The following RAD54L2 variants were observed in gnomAD, a reference collection of about 807,000 sequenced individuals.
RAD54L2 encodes helicase ARIP4.
In RAD54L2, 27 loss-of-function variants were observed where a neutral mutation model predicts 138.4. That is an observed-to-expected ratio of 0.20 (90% CI 0.14 to 0.27). RAD54L2 has a LOEUF of 0.27. Ranked by LOEUF, RAD54L2 falls within the 10% of genes least tolerant of loss-of-function variation. The pLI, the probability that RAD54L2 is intolerant of heterozygous loss-of-function variation, is 1.00. For synonymous variants in RAD54L2, 644 were observed against 723.2 expected, an observed-to-expected ratio of 0.89 and a Z score of 1.76; for missense variants, 1,396 against 1,890.2, an observed-to-expected ratio of 0.74 and a Z score of 4.85.
chr3:51,619,776 A>G (rs978353855), intron 3 of RAD54L2, among the ~76,000 whole-genome samples: 3 of 152,184 alleles, frequency 2.0e-5, no homozygotes, highest in African/African-American at 4.8e-5. Context: ...CAATTTAGGA[A>G]GGTCCTGGCT....
At chr3:51,639,713 G>A (rs1316008224) in intron 13 of RAD54L2, 43 bp downstream of exon 13, 3 of 1,606,386 alleles carry the variant, frequency 1.9e-6, no homozygotes, top group Non-Finnish European at 2.6e-6. Flanking sequence ...CTATTGCTGA[G>A]AAGGGATGGT....
chr3:51,556,442 A>G (rs976264046), intron 2 of RAD54L2, among the ~76,000 whole-genome samples: 27 of 152,138 alleles, frequency 1.8e-4, no homozygotes, highest in African/African-American at 6.3e-4. Context: ...GAGACAGGGT[A>G]TCCCTGTGTT....
chr3:51,652,678 A>G (rs1276220833), intron 19 of RAD54L2, among the ~76,000 whole-genome samples: 1 of 152,242 alleles, frequency 6.6e-6, no homozygotes, highest in Non-Finnish European at 1.5e-5. Context: ...AGAAATGGGG[A>G]AAGGATTCCC....
rs1360520086 is a variant in RAD54L2 at position 51,667,060 on chromosome 3, A to C, written c.*3640A>C. On this transcript the variant is annotated 3_prime_UTR_variant, in exon 23 of 23. Transcript: ENST00000684192. ...AGGGCCCTCTGTGTGAGTCTATTCA[A>C]ACCTGGCATTGCTCTGAAATTGAGT... 6.6e-6 allele frequency: 1 copy of C among 152,372 alleles called. No homozygotes were observed. Among genetic ancestry groups the C allele is most frequent in the Admixed American group, 6.5e-5 (1 of 15,310 alleles). The allele number at this position is 152,372 out of a possible 1,614,324, so 9.4% of individuals were successfully genotyped here.
In RAD54L2 at chr3:51,635,502, A is replaced by T; in HGVS notation, c.1143-91A>T. On this transcript the variant is annotated intron_variant, in intron 9 of 22. Transcript: ENST00000684192. ...CTGAATGTACATCAACACAGCTTTGATTGTGAGCAATTCTTCCTTGGGAGC... is the reference window on the plus strand; with the variant it reads ...CTGAATGTACATCAACACAGCTTTGTTTGTGAGCAATTCTTCCTTGGGAGC... 3 of 1,352,186 alleles carry T rather than the reference A, an allele frequency of 2.2e-6. No homozygotes were observed. The South Asian group carries it at 4.5e-5, about 20-fold the overall frequency. 83.8% of individuals were successfully genotyped at this position (1,352,186 alleles called of 1,614,324 possible). A position where few individuals can be genotyped will look rare whatever the true frequency, so the allele number is the denominator to read the frequency against.
chr3:51,663,235 A>G lies in RAD54L2; in HGVS notation c.4219A>G (p.Ser1407Gly). 6.2e-7 allele frequency: 1 copy of G among 1,613,918 alleles called. No homozygotes were observed. Among genetic ancestry groups the G allele is most frequent in the South Asian group, 1.1e-5 (1 of 91,080 alleles). ...FAPFPSPVLP[S>G]NLSRGMSIYP... ...GCCTTTTCCTTCCCCTGTCTTGCCC[A>G]GCAACCTTTCGCGGGGCATGTCTAT... Residue 1407 changes from serine to glycine, a missense_variant, in exon 23 of 23, where the codon AGC becomes GGC. Physicochemically the swap from Ser to Gly is moderately conservative, Grantham distance 56. Transcript: ENST00000684192.
At chr3:51,565,200 A>G (rs1050983219) in intron 2 of RAD54L2, among the ~76,000 whole-genome samples, 10 of 152,214 alleles carry the variant, frequency 6.6e-5, no homozygotes, top group Admixed American at 4.6e-4. Context: ...AGCCTGGGCC[A>G]CATAGACCCT....
At chr3:51,586,667 C>T (rs1699717506) in intron 2 of RAD54L2, among the ~76,000 whole-genome samples, 1 of 150,034 alleles carries the variant, frequency 6.7e-6, no homozygotes. Context: ...CTCCTGGGTT[C>T]AGGCGATTCT....
intron 2 of RAD54L2, among the ~76,000 whole-genome samples, chr3:51,546,170 C>T (rs564810116): frequency 2.0e-5 from 3 of 151,366 alleles, no homozygotes; most frequent in African/African-American, 7.3e-5. Flanking sequence ...AACTCTTGAC[C>T]TCAGGTGATC....
chr3:51,570,842 G>A (rs1324842884), intron 2 of RAD54L2, among the ~76,000 whole-genome samples: 2 of 152,148 alleles, frequency 1.3e-5, no homozygotes, highest in African/African-American at 4.8e-5. Flanking sequence ...TTATTTTTGA[G>A]ATGGAGTTTT....
At chr3:51,604,847 G>C (rs2106742622) in intron 3 of RAD54L2, among the ~76,000 whole-genome samples, 1 of 152,252 alleles carries the variant, frequency 6.6e-6, no homozygotes, top group Admixed American at 6.5e-5. Context: ...TAGTTGTTCT[G>C]CCAACCCTCC....
In RAD54L2 at chr3:51,630,931, G is replaced by A. The variant is rs1442832975; in HGVS notation, c.825G>A (p.Gln275=). The change falls in exon 7 of 23, where the codon CAG becomes CAA. Residue 275 remains glutamine, a splice_region_variant and synonymous_variant. Coordinates refer to ENST00000684192, the MANE Select transcript of RAD54L2 (RefSeq NM_015106.4). ...TGGCACGGGCTGTGAAACCTCATCAGGTACAGCAAACCTTGACTGTTTTCT... is the reference window on the plus strand; with the variant it reads ...TGGCACGGGCTGTGAAACCTCATCAAGTACAGCAAACCTTGACTGTTTTCT... ...PQLARAVKPH[Q]IGGIRFLYDN... The A allele has an allele frequency of 6.2e-7, 1 of 1,605,004 alleles. No individual in the cohort carries two copies. The highest frequency in any genetic ancestry group is 8.5e-7 in the Non-Finnish European group (1 of 1,172,610).
At chr3:51,600,399 G>A (rs1398851811) in intron 3 of RAD54L2, among the ~76,000 whole-genome samples, 1 of 152,118 alleles carries the variant, frequency 6.6e-6, no homozygotes, top group Non-Finnish European at 1.5e-5. Context: ...AGAATCCCTT[G>A]AGCCCAGGAG....
intron 2 of RAD54L2, among the ~76,000 whole-genome samples, chr3:51,549,490 G>A (rs1183186688): frequency 2.0e-5 from 3 of 152,162 alleles, no homozygotes; most frequent in Non-Finnish European, 1.5e-5. Flanking sequence ...GGCTGGGCGC[G>A]GTGGCTTATA....
chr3:51,607,621 T>C (rs1559634240), intron 3 of RAD54L2, among the ~76,000 whole-genome samples: 1 of 152,196 alleles, frequency 6.6e-6, no homozygotes, highest in African/African-American at 2.4e-5. Flanking sequence ...AGCTGTTGGG[T>C]ACACCTCCCA....
At chr3:51,576,827 G>C (rs559918377) in intron 2 of RAD54L2, among the ~76,000 whole-genome samples, 1 of 151,592 alleles carries the variant, frequency 6.6e-6, no homozygotes, top group South Asian at 2.1e-4. Context: ...TTTTTTGAAG[G>C]GTTTTTTGTG....
intron 2 of RAD54L2, among the ~76,000 whole-genome samples, chr3:51,569,678 A>G (rs1434248787): frequency 1.3e-5 from 2 of 152,040 alleles, no homozygotes; most frequent in Admixed American, 1.3e-4. Flanking sequence ...CACTGTGCCC[A>G]GTCTAATTCT....
intron 2 of RAD54L2, among the ~76,000 whole-genome samples, chr3:51,546,330 G>A (rs1698693673): frequency 6.6e-6 from 1 of 152,056 alleles, no homozygotes; most frequent in Non-Finnish European, 1.5e-5. Flanking sequence ...AAAGATAAAA[G>A]TTGATATCAG....
chr3:51,543,892 C>G (rs1046705933), intron 2 of RAD54L2, among the ~76,000 whole-genome samples: 7 of 152,176 alleles, frequency 4.6e-5, no homozygotes, highest in Non-Finnish European at 7.3e-5. Context: ...CGGGCACCAC[C>G]TTCTCTTAAT....
Sources: gnomAD v4.1 joint callset for allele counts (sites outside exome capture counted in the v4.1 genomes callset) on GRCh38, gnomAD v4.1.1 for gene constraint, MANE v1.5 for transcripts, NCBI Gene and HGNC (gene_info 2026-07-23, HGNC 2026-07-21) for gene names.